Variants in FRMPD2 observed in about 807,000 individuals in gnomAD.
The protein encoded by FRMPD2 is FERM and PDZ domain containing 2.
FRMPD2 carries 96 observed loss-of-function variants against 140.1 expected under a neutral mutation model. The ratio of observed to expected loss-of-function variants is 0.69; its 90% CI spans 0.58 to 0.81. The LOEUF is 0.81. Ranked by LOEUF, FRMPD2 falls within the 40% of genes least tolerant of loss-of-function variation. The pLI is 0.00. For missense variants in FRMPD2, 1,240 were observed against 1,447.4 expected (o/e 0.86, Z 2.32); for synonymous variants, 449 against 547.6 (o/e 0.82, Z 2.52).
Position 48,221,962 on chromosome 10 carries a change from GTGGATGGATGGATGGT to G in FRMPD2, c.1455+335_1455+350del, listed in dbSNP as rs1349415129. 2.4e-3 allele frequency among the ~76,000 whole-genome samples: 333 copies of G among 136,920 alleles called. 1 individual carries two copies. The highest frequency in any genetic ancestry group is 8.8e-3 in the African/African-American group (324 of 36,886). 89.8% of individuals were successfully genotyped at this position (136,920 alleles called of 152,430 possible). A position where few individuals can be genotyped will look rare whatever the true frequency, so the allele number is the denominator to read the frequency against. On this transcript the variant is annotated intron_variant, in intron 12 of 28. Coordinates refer to ENST00000374201, the MANE Select transcript of FRMPD2 (RefSeq NM_001018071.4). ...GATAGATGAATAGGTGGGTGGGTGG[GTGGATGGATGGATGGT>G]TGGATGGATGGATGGATGGATGGAT... is the stretch of plus-strand genomic sequence containing the variant.
chr10:48,229,617 A>G (rs984508055), intron 10 of FRMPD2, among the ~76,000 whole-genome samples: 1 of 152,172 alleles, frequency 6.6e-6, no homozygotes, highest in Admixed American at 6.5e-5. Context: ...TAGTTTTGAT[A>G]TAAATGTTCC....
At chr10:48,175,456 G>T (rs1414174881) in intron 23 of FRMPD2, among the ~76,000 whole-genome samples, 1 of 151,944 alleles carries the variant, frequency 6.6e-6, no homozygotes, top group Non-Finnish European at 1.5e-5. Flanking sequence ...TTCCATCAGA[G>T]AAGTGGGAGC....
At chr10:48,221,530 T>C (rs1839586301) in intron 12 of FRMPD2, among the ~76,000 whole-genome samples, 1 of 152,120 alleles carries the variant, frequency 6.6e-6, no homozygotes, top group Non-Finnish European at 1.5e-5. Context: ...TAATCAACAC[T>C]AAAAAACTTA....
chr10:48,208,917 T>C (rs1165581036), intron 13 of FRMPD2, among the ~76,000 whole-genome samples: 6 of 152,218 alleles, frequency 3.9e-5, no homozygotes, highest in Non-Finnish European at 8.8e-5. Flanking sequence ...AAATGGATTG[T>C]TATTTCTGAA....
chr10:48,225,304 A>G (rs1351171733), intron 10 of FRMPD2, among the ~76,000 whole-genome samples: 1 of 152,250 alleles, frequency 6.6e-6, no homozygotes, highest in Non-Finnish European at 1.5e-5. Flanking sequence ...AGGGGCACTC[A>G]TGCATATGCC....
chr10:48,256,511 C>T (rs1840493694), intron 1 of FRMPD2, among the ~76,000 whole-genome samples: 1 of 152,216 alleles, frequency 6.6e-6, no homozygotes, highest in Non-Finnish European at 1.5e-5. Context: ...TCCATCAAGA[C>T]ACCATCCATG....
chr10:48,230,170 TA>T (rs1214446376), intron 10 of FRMPD2, among the ~76,000 whole-genome samples: 1 of 152,216 alleles, frequency 6.6e-6, no homozygotes, highest in East Asian at 1.9e-4. Flanking sequence ...TACAACAATA[TA>T]ATAAAGTATA....
chr10:48,202,414 A>G (rs1200417307), intron 14 of FRMPD2, among the ~76,000 whole-genome samples: 1 of 152,220 alleles, frequency 6.6e-6, no homozygotes, highest in Non-Finnish European at 1.5e-5. Context: ...AGGCAGATAA[A>G]TATTCATTGC....
chr10:48,214,608 T>C (rs1001838328), intron 12 of FRMPD2, among the ~76,000 whole-genome samples: 1 of 152,350 alleles, frequency 6.6e-6, no homozygotes, highest in Non-Finnish European at 1.5e-5. Flanking sequence ...CATTAAAGTC[T>C]ATTAAAACTT....
chr10:48,192,743 T>G lies in FRMPD2; in HGVS notation c.2106A>C (p.Ser702=). 6.2e-7 allele frequency: 1 copy of G among 1,614,150 alleles called. No homozygotes were observed. Among genetic ancestry groups the G allele is most frequent in the Non-Finnish European group, 8.5e-7 (1 of 1,180,020 alleles). The change falls in exon 16 of 29, where the codon TCA becomes TCC. Residue 702 remains serine (S), a synonymous_variant. Coordinates refer to ENST00000374201, the MANE Select transcript of FRMPD2 (RefSeq NM_001018071.4). ...TGCCGTCCACGTTGAAGTTATCCAT[T>G]GATGTACTCAGCAGGCCTCCTGCAG... ...QGAAGGLLST[S]MDNFNVDGSK...
chr10:48,274,571 A>G lies in FRMPD2; in HGVS notation c.-4T>C. 2 of 1,614,114 alleles carry G rather than the reference A, an allele frequency of 1.2e-6. No individual in the cohort carries two copies. Among genetic ancestry groups the G allele is most frequent in the Non-Finnish European group, 1.7e-6 (2 of 1,179,942 alleles). The stretch of plus-strand genomic sequence containing the variant: ...CGTCCTTCGTTAAAGGCTGCATCCA[A>G]AAGTCTCCGTGACCAGGTCTAGGCC... On this transcript the variant is annotated 5_prime_UTR_variant, in exon 1 of 29. Coordinates refer to ENST00000374201, the MANE Select transcript of FRMPD2 (RefSeq NM_001018071.4).
rs772970224 is a variant in FRMPD2 at position 48,244,855 on chromosome 10, C to G, written c.310-6G>C. ...CCTAAAGAATAGACATGCATCTGCC[C>G]AAAAGAAGAGTACATGATTAGATTT... On this transcript the variant is annotated splice_region_variant and splice_polypyrimidine_tract_variant and intron_variant, in intron 3 of 28. Transcript: ENST00000374201. 5 of 1,601,294 alleles carry G rather than the reference C, an allele frequency of 3.1e-6. No individual in the cohort carries two copies. Among genetic ancestry groups the G allele is most frequent in the Non-Finnish European group, 4.3e-6 (5 of 1,168,472 alleles).
chr10:48,214,069 T>C (rs1338127385), intron 12 of FRMPD2, among the ~76,000 whole-genome samples: 1 of 152,238 alleles, frequency 6.6e-6, no homozygotes, highest in Non-Finnish European at 1.5e-5. Context: ...CGAAAAGATC[T>C]GCTGGGACTC....
At chr10:48,269,672 GC>G (rs2131990884) in intron 1 of FRMPD2, among the ~76,000 whole-genome samples, 1 of 152,338 alleles carries the variant, frequency 6.6e-6, no homozygotes, top group African/African-American at 2.4e-5. Flanking sequence ...CTGGGTGAAT[GC>G]TTTGTTTAAA....
chr10:48,160,218 A>G (rs1187501608), intron 28 of FRMPD2, among the ~76,000 whole-genome samples: 1 of 151,602 alleles, frequency 6.6e-6, no homozygotes. Context: ...TTATTACAAG[A>G]TATTTTTATA....
At chr10:48,209,596 G>A (rs1242470477) in intron 13 of FRMPD2, among the ~76,000 whole-genome samples, 4 of 152,228 alleles carry the variant, frequency 2.6e-5, no homozygotes, top group Admixed American at 2.6e-4. Context: ...AATAGTAACT[G>A]GGCTCTGTGA....
At chr10:48,230,569 T>G (rs1262395182) in intron 10 of FRMPD2, among the ~76,000 whole-genome samples, 1 of 152,244 alleles carries the variant, frequency 6.6e-6, no homozygotes, top group Non-Finnish European at 1.5e-5. Context: ...TTGATGAGGC[T>G]AAACTTACTT....
At chr10:48,177,836 G>T in intron 22 of FRMPD2, 1 of 435,298 alleles carries the variant, frequency 2.3e-6, no homozygotes, top group Non-Finnish European at 4.4e-6. Context: ...GAGTCCCCTA[G>T]TGCATGCCCT....
At chr10:48,232,405 A>C in intron 9 of FRMPD2, 116 bp from the exon 10 acceptor site, 1 of 710,616 alleles carries the variant, frequency 1.4e-6, no homozygotes, top group Non-Finnish European at 2.3e-6. Context: ...TGACAACTCT[A>C]AAAGATAAGT....
Sources: gnomAD v4.1 joint callset for allele counts (sites outside exome capture counted in the v4.1 genomes callset) on GRCh38, gnomAD v4.1.1 for gene constraint, MANE v1.5 for transcripts, NCBI Gene and HGNC (gene_info 2026-07-23, HGNC 2026-07-21) for gene names.